Variants in ERICH1 observed in about 807,000 individuals in gnomAD.
The protein encoded by ERICH1 is glutamate-rich protein 1.
A neutral mutation model predicts 39.6 loss-of-function variants in ERICH1; 56 were observed. The ratio of observed to expected loss-of-function variants is 1.41; its 90% confidence interval spans 1.14 to 1.77. The LOEUF (loss-of-function observed/expected upper bound fraction) is 1.77. Among genes scored for constraint, ERICH1 ranks in the 40% most tolerant of loss-of-function variants. ERICH1 has a pLI of 0.00. For missense variants in ERICH1, 826 were observed against 575.4 expected, an observed-to-expected ratio of 1.44 and a Z score of -4.45; for synonymous variants, 313 against 223.6, an observed-to-expected ratio of 1.40 and a Z score of -3.57.
At chr8:631,034 G>A (rs561933401) in intron 3 of ERICH1, among the ~76,000 whole-genome samples, 2 of 146,526 alleles carry the variant, frequency 1.4e-5, no homozygotes, top group African/African-American at 5.1e-5. Context: ...ACACCCTCCC[G>A]TGACCACCCA....
At chr8:715,806 T>C (rs1302755708) in intron 2 of ERICH1, 55 bp downstream of exon 2, 5 of 1,568,994 alleles carry the variant, frequency 3.2e-6, no homozygotes, top group African/African-American at 1.4e-5. Context: ...CAAGTGATGA[T>C]GACGGAGGTT....
At chr8:722,000 G>A (rs1299815943) in intron 1 of ERICH1, among the ~76,000 whole-genome samples, 1 of 152,050 alleles carries the variant, frequency 6.6e-6, no homozygotes, top group East Asian at 1.9e-4. Context: ...GGTGCAGCAG[G>A]AGCTCCCGGA....
At chr8:667,910 C>G (rs1802522912) in intron 5 of ERICH1, 1 of 153,508 alleles carries the variant, frequency 6.5e-6, no homozygotes, top group African/African-American at 2.4e-5. Flanking sequence ...ACGGACCCAC[C>G]TTCACTCCTC....
intron 3 of ERICH1, among the ~76,000 whole-genome samples, chr8:630,082 CCACA>C (rs1206987233): frequency 1.5e-5 from 2 of 131,274 alleles, no homozygotes; most frequent in Non-Finnish European, 1.6e-5. Context: ...CTGTGAGCAC[CCACA>C]CAGACAGAGC....
chr8:667,085 A>G (rs1370045761), intron 5 of ERICH1: 5 of 152,808 alleles, frequency 3.3e-5, no homozygotes, highest in African/African-American at 1.2e-4. Context: ...CAGCCTCAAG[A>G]TAACAGCCCA....
chr8:729,666 A>G (rs564559457), intron 1 of ERICH1, among the ~76,000 whole-genome samples: 5 of 152,180 alleles, frequency 3.3e-5, no homozygotes, highest in Non-Finnish European at 7.3e-5. Context: ...TATCCTTCCA[A>G]CCACAATGTC....
intron 3 of ERICH1, among the ~76,000 whole-genome samples, chr8:686,050 C>T (rs1009892721): frequency 6.6e-6 from 1 of 151,202 alleles, no homozygotes; most frequent in African/African-American, 2.4e-5. Flanking sequence ...GTCCCAGCTT[C>T]TCGGGAGGCT....
intron 1 of ERICH1, 81 bp downstream of exon 1, chr8:731,059 C>G (rs900349878): frequency 3.0e-6 from 4 of 1,354,256 alleles, no homozygotes; most frequent in Non-Finnish European, 3.8e-6. Context: ...GGGCCGGGGT[C>G]GGGGTCCCGA....
At chr8:678,111 G>A (rs940138635) in intron 3 of ERICH1, among the ~76,000 whole-genome samples, 2 of 152,086 alleles carry the variant, frequency 1.3e-5, no homozygotes, top group African/African-American at 2.4e-5. Flanking sequence ...TCACATAAAT[G>A]TGTATGCGTG....
chr8:700,121 T>G (rs561018132), intron 2 of ERICH1, among the ~76,000 whole-genome samples: 313 of 37,852 alleles, frequency 8.3e-3, no homozygotes, highest in Admixed American at 0.015. Context: ...GCACACACCC[T>G]CACAGGCGCA....
chr8:661,284 G>C (rs1801391536), downstream of ERICH1, among the ~76,000 whole-genome samples: 1 of 152,246 alleles, frequency 6.6e-6, no homozygotes. Context: ...TGACCCTGTG[G>C]GCCCTGGAGT....
rs1212040224 is a variant in ERICH1 at position 644,502 on chromosome 8, T to TC, written c.976+24095dup. 5.4e-5 allele frequency among the ~76,000 whole-genome samples: 2 copies of TC among 37,208 alleles called. 1 individual carries two copies. The highest frequency in any genetic ancestry group is 1.2e-4 in the African/African-American group (2 of 16,420). The allele number at this position is 37,208 out of a possible 152,430, so 24.4% of individuals were successfully genotyped here. A position where few individuals can be genotyped will look rare whatever the true frequency, so the allele number is the denominator to read the frequency against. ...AAGACTGCTGCTTTCCAGGCCTAAT[T>TC]CTGTTCTGGTACATGGTTTAAATAT... On this transcript the variant is annotated intron_variant, in intron 3 of 3. Coordinates refer to the ERICH1 transcript ENST00000522706.
rs1276999354 is a variant in ERICH1 at position 715,870 on chromosome 8, G to T, written c.160C>A (p.Pro54Thr). ...CTGCAGACAAACTCACCTGTCAAAG[G>T]CTCAGCATGTTTCTGGCTCACTTTC... Reference protein sequence around the residue: ...SEKVSQKHAEPLTDTGSETPT... With the variant: ...SEKVSQKHAETLTDTGSETPT... Residue 54 changes from proline (P) to threonine (T), a missense_variant, in exon 2 of 6, where the codon CCT becomes ACT. Transcript: ENST00000262109. The T allele has an allele frequency of 6.2e-7, 1 of 1,612,404 alleles. No individual in the cohort carries two copies. The highest frequency in any genetic ancestry group is 8.5e-7 in the Non-Finnish European group (1 of 1,179,378).
At chr8:673,166 A>G in intron 4 of ERICH1, 123 bp downstream of exon 4, 1 of 1,214,244 alleles carries the variant, frequency 8.2e-7, no homozygotes. Flanking sequence ...GTTGCCTTAC[A>G]ACTAATTATT....
chr8:639,668 C>T (rs1798765009), intron 3 of ERICH1, among the ~76,000 whole-genome samples: 1 of 142,744 alleles, frequency 7.0e-6, no homozygotes, highest in African/African-American at 2.7e-5. Flanking sequence ...CAGGCAGCCA[C>T]CAATCCAGTT....
At chr8:653,923 G>T (rs140021784) in intron 3 of ERICH1, among the ~76,000 whole-genome samples, 1 of 152,008 alleles carries the variant, frequency 6.6e-6, no homozygotes, top group African/African-American at 2.4e-5. Flanking sequence ...TGTTATGCTG[G>T]GTGAAATGAG....
chr8:726,956 C>A (rs1818887946), intron 1 of ERICH1, among the ~76,000 whole-genome samples: 1 of 137,074 alleles, frequency 7.3e-6, no homozygotes, highest in Non-Finnish European at 1.5e-5. Flanking sequence ...CACACAGGCA[C>A]ATACACATGC....
At chr8:688,086 C>G (rs888896232) in intron 3 of ERICH1, among the ~76,000 whole-genome samples, 1 of 152,180 alleles carries the variant, frequency 6.6e-6, no homozygotes, top group African/African-American at 2.4e-5. Context: ...GCACCCAATG[C>G]AGTTCCCGGC....
chr8:710,494 C>T (rs1585571756), intron 2 of ERICH1, among the ~76,000 whole-genome samples: 1 of 150,694 alleles, frequency 6.6e-6, no homozygotes, highest in African/African-American at 2.5e-5. Flanking sequence ...TCCTCGGCAT[C>T]GTACGGGGCG....
Sources: gnomAD v4.1 joint callset for allele counts (sites outside exome capture counted in the v4.1 genomes callset) on GRCh38, gnomAD v4.1.1 for gene constraint, MANE v1.5 for transcripts, NCBI Gene and HGNC (gene_info 2026-07-23, HGNC 2026-07-21) for gene names.